Variants in PACRGL observed in about 807,000 individuals in gnomAD.
PACRGL encodes the protein parkin coregulated like.
PACRGL carries 38 observed loss-of-function variants against 34.5 expected under a neutral mutation model. The ratio of observed to expected loss-of-function variants is 1.10; its 90% CI spans 0.85 to 1.44. PACRGL has a LOEUF of 1.44. Ranked by LOEUF, PACRGL falls within the 40% of genes most tolerant of loss-of-function variation. PACRGL has a pLI of 0.00. For missense variants in PACRGL, 305 were observed against 281.4 expected, an observed-to-expected ratio of 1.08 and a Z score of -0.60; for synonymous variants, 128 against 100.1, an observed-to-expected ratio of 1.28 and a Z score of -1.66.
At chr4:20,720,949 C>T (rs1742786444) in intron 7 of PACRGL, among the ~76,000 whole-genome samples, 1 of 152,182 alleles carries the variant, frequency 6.6e-6, no homozygotes, top group Non-Finnish European at 1.5e-5. Flanking sequence ...CTCCCTGTCA[C>T]TTTCAGGTAC....
chr4:20,734,427 T>C (rs1749090440), downstream of PACRGL, among the ~76,000 whole-genome samples: 1 of 152,232 alleles, frequency 6.6e-6, no homozygotes, highest in South Asian at 2.1e-4. Context: ...GTGTAATCTT[T>C]ATGTGTTATA....
chr4:20,748,155 A>C (rs1167368823), intron 8 of PACRGL, among the ~76,000 whole-genome samples: 1 of 152,032 alleles, frequency 6.6e-6, no homozygotes, highest in Non-Finnish European at 1.5e-5. Flanking sequence ...CATCTCCTAC[A>C]AGATAGTCCA....
At position 20,727,319 on chromosome 4, in the gene PACRGL, C is replaced by T; in HGVS notation, c.725C>T (p.Thr242Ile). ...AGCATCATCAAATCTAAAATTCCAA[C>T]ATACTGCTCCATATGCTGTTGAAGA... ...SLSIIKSKIP[T>I]YCSICC The change falls in exon 9 of 9, where the codon ACA becomes ATA. Residue 242 changes from threonine (T) to isoleucine (I), a missense_variant. Physicochemically the swap from Thr to Ile is moderately conservative, Grantham distance 89 (BLOSUM62 -1). Coordinates refer to ENST00000503585, the MANE Select transcript of PACRGL (RefSeq NM_001258345.3). 6.2e-7 allele frequency: 1 copy of T among 1,612,846 alleles called. No individual in the cohort carries two copies. Among genetic ancestry groups the T allele is most frequent in the Non-Finnish European group, 8.5e-7 (1 of 1,179,050 alleles).
chr4:20,710,803 A>T (rs61671884), intron 5 of PACRGL, among the ~76,000 whole-genome samples: 2 of 145,328 alleles, frequency 1.4e-5, no homozygotes, highest in South Asian at 2.2e-4. Context: ...AGCAAAAACT[A>T]TAAGTTTTTG....
At chr4:20,736,029 C>G (rs1349215986), downstream of PACRGL, among the ~76,000 whole-genome samples, 1 of 152,078 alleles carries the variant, frequency 6.6e-6, no homozygotes, top group African/African-American at 2.4e-5. Context: ...AATGTTTTTT[C>G]TTTTTTAAAT....
chr4:20,750,282 TG>T lies in PACRGL; in HGVS notation c.*57-2282del, dbSNP rs149847630. On this transcript the variant is annotated intron_variant, in intron 8 of 8. Coordinates refer to the PACRGL transcript ENST00000507634. Reference sequence around the variant, plus strand: ...ACATGAACTTAGGTCTTTCTGACTCTGAGAACCAGGCTAGCCCTCAGCCAGT... The same window carrying T: ...ACATGAACTTAGGTCTTTCTGACTCTAGAACCAGGCTAGCCCTCAGCCAGT... 2.9e-3 allele frequency among the ~76,000 whole-genome samples: 436 copies of T among 152,302 alleles called. 1 individual carries two copies. Among genetic ancestry groups the T allele is most frequent in the African/African-American group, 0.01 (421 of 41,572 alleles).
At chr4:20,734,512 A>C, downstream of PACRGL, 1 of 539,510 alleles carries the variant, frequency 1.9e-6, no homozygotes. Flanking sequence ...CCACTACATA[A>C]AATATTTTGG....
chr4:20,729,222 T>C lies in PACRGL; in HGVS notation c.*1881T>C, dbSNP rs1467172643. 1 of 152,196 alleles carries C rather than the reference T, an allele frequency of 6.6e-6. No individual in the cohort carries two copies. Among genetic ancestry groups the C allele is most frequent in the African/African-American group, 2.4e-5 (1 of 41,200 alleles). The allele number at this position is 152,196 out of a possible 1,614,324, so 9.4% of individuals were successfully genotyped here. A position where few individuals can be genotyped will look rare whatever the true frequency, so the allele number is the denominator to read the frequency against. ...TGTTAGGATTACTTGTTATTAAGCA[T>C]TACTATATACTGGAGGATAGATATC... is the stretch of plus-strand genomic sequence containing the variant. On this transcript the variant is annotated 3_prime_UTR_variant, in exon 9 of 9. Coordinates refer to ENST00000503585, the MANE Select transcript of PACRGL (RefSeq NM_001258345.3).
chr4:20,727,162 AT>A, intron 8 of PACRGL, 122 bp from the exon 9 acceptor site: 1 of 778,714 alleles, frequency 1.3e-6, no homozygotes, highest in Non-Finnish European at 2.1e-6. Context: ...TTATTTCATC[AT>A]TTTGTTCTTA....
chr4:20,712,756 A>G (rs1284748448), intron 5 of PACRGL, 32 bp from the exon 6 acceptor site: 1 of 1,420,042 alleles, frequency 7.0e-7, no homozygotes, highest in Non-Finnish European at 9.3e-7. Context: ...TGAAATGGGT[A>G]GTAAATCATG....
At chr4:20,760,735 C>A in the PACRGL span, among the ~76,000 whole-genome samples, 13 of 152,052 alleles carry the variant, frequency 8.5e-5, no homozygotes, top group African/African-American at 2.9e-4. Flanking sequence ...GGGCTTGGAA[C>A]TCTCCAGGTC....
downstream of PACRGL, chr4:20,734,622 C>T: frequency 2.3e-6 from 3 of 1,322,060 alleles, no homozygotes; most frequent in Admixed American, 6.6e-5. Context: ...GTGAGGCATC[C>T]CTTACCTCTT....
intron 4 of PACRGL, among the ~76,000 whole-genome samples, chr4:20,709,476 C>CA (rs1227335512): frequency 2.0e-5 from 3 of 152,150 alleles, no homozygotes; most frequent in African/African-American, 7.2e-5. Context: ...GTAACCTTAA[C>CA]ACATGTGGGT....
chr4:20,745,188 T>C (rs1307855736), intron 8 of PACRGL, among the ~76,000 whole-genome samples: 2 of 151,874 alleles, frequency 1.3e-5, no homozygotes, highest in Non-Finnish European at 2.9e-5. Flanking sequence ...CTGGCCTTTT[T>C]GTTGCTGTGA....
At chr4:20,744,938 G>T (rs954104077) in intron 8 of PACRGL, among the ~76,000 whole-genome samples, 6 of 152,100 alleles carry the variant, frequency 3.9e-5, no homozygotes, top group South Asian at 4.1e-4. Context: ...TGACCTGGGC[G>T]AAGTCAGGAA....
intron 8 of PACRGL, chr4:20,749,549 T>C: frequency 1.5e-6 from 1 of 649,674 alleles, no homozygotes; most frequent in East Asian, 2.8e-5. Flanking sequence ...AAAGGGAGTG[T>C]CCTTGGGCTT....
chr4:20,712,844 A>AT lies in PACRGL; in HGVS notation c.425dup (p.Leu142PhefsTer9). 1 of 1,604,704 alleles carries AT rather than the reference A, an allele frequency of 6.2e-7. No individual in the cohort carries two copies. The highest frequency in any genetic ancestry group is 8.5e-7 in the Non-Finnish European group (1 of 1,174,388). On this transcript the variant is annotated frameshift_variant, in exon 6 of 9. Transcript: ENST00000503585. LOFTEE classifies it high-confidence loss of function. Reference sequence around the variant, plus strand: ...TTGTGTCAAAGGAGGGTTTTAGAGAATTACTTTTGGTCAAAGGTGCTCCTG... The same window carrying AT: ...TTGTGTCAAAGGAGGGTTTTAGAGAATTTACTTTTGGTCAAAGGTGCTCCTG...
the PACRGL span, among the ~76,000 whole-genome samples, chr4:20,759,312 AC>A: frequency 6.6e-6 from 1 of 152,254 alleles, no homozygotes; most frequent in South Asian, 2.1e-4. Context: ...TGGCAGAATT[AC>A]TCTATTGGCA....
chr4:20,753,838 A>G (rs995091035), downstream of PACRGL, among the ~76,000 whole-genome samples: 1 of 152,178 alleles, frequency 6.6e-6, no homozygotes, highest in Admixed American at 6.5e-5. Context: ...CATCTGACTC[A>G]AGTGACTTGC....
Sources: allele counts gnomAD v4.1 joint callset (sites outside exome capture counted in the v4.1 genomes callset), GRCh38; gene constraint gnomAD v4.1.1; transcripts MANE v1.5; gene names NCBI Gene and HGNC (gene_info 2026-07-23, HGNC 2026-07-21).